NOTCH2NLC: variants seen among roughly 807,000 people sequenced by gnomAD.
The protein encoded by NOTCH2NLC is notch 2 N-terminal like C.
Under a neutral mutation model 17.7 loss-of-function variants are expected in NOTCH2NLC, and 4 were observed. The observed-to-expected ratio is 0.23, with a 90% CI of 0.11 to 0.52. NOTCH2NLC has a LOEUF of 0.52. Among genes scored for constraint, NOTCH2NLC ranks in the 20% least tolerant of loss-of-function variants. The pLI is 0.96. For missense variants in NOTCH2NLC, 57 were observed against 207.2 expected (o/e 0.28, Z 4.45); for synonymous variants, 18 against 86.0 (o/e 0.21, Z 4.38).
intron 1 of NOTCH2NLC, among the ~76,000 whole-genome samples, chr1:149,421,704 T>C (rs1258531065): frequency 1.4e-5 from 1 of 71,056 alleles, no homozygotes; most frequent in Non-Finnish European, 2.6e-5. Flanking sequence ...ATAGCACTTT[T>C]TGTAGAGAAT....
rs1285778174 is a variant in NOTCH2NLC, at chr1:149,464,182, TA to T, written c.*32del. 2 of 660,362 alleles carry T rather than the reference TA, an allele frequency of 3.0e-6. No homozygotes were observed. Among genetic ancestry groups the T allele is most frequent in the African/African-American group, 3.8e-5 (2 of 52,646 alleles). 40.9% of individuals were successfully genotyped at this position (660,362 alleles called of 1,614,324 possible). A position where few individuals can be genotyped will look rare whatever the true frequency, so the allele number is the denominator to read the frequency against. On this transcript the variant is annotated 3_prime_UTR_variant, in exon 5 of 5. Transcript: ENST00000650865. ...CTGGAAAATATGTATGTGTGGTTAA[TA>T]AAGTGCTTTAAACTGAATTGACATT...
intron 1 of NOTCH2NLC, among the ~76,000 whole-genome samples, chr1:149,426,915 A>C (rs1364768442): frequency 0.01 from 1,512 of 150,772 alleles, 57 homozygotes; most frequent in Non-Finnish European, 0.013. Flanking sequence ...GCTTCAGGTT[A>C]TCAAAGTTTT....
Position 149,390,823 on chromosome 1 carries a change from C to CGGCGGCGGCGGCGGCGGCGGCGGT in NOTCH2NLC, c.44_45insCGGCGGCGGCGGCGGTGGCGGCGG (p.Gly11_Gly18dup). The CGGCGGCGGCGGCGGCGGCGGCGGT allele has an allele frequency of 7.5e-7, 1 of 1,324,838 alleles. No individual in the cohort carries two copies. The highest frequency in any genetic ancestry group is 9.6e-7 in the Non-Finnish European group (1 of 1,039,294). The allele number at this position is 1,324,838 out of a possible 1,614,324, so 82.1% of individuals were successfully genotyped here. A position where few individuals can be genotyped will look rare whatever the true frequency, so the allele number is the denominator to read the frequency against. On this transcript the variant is annotated inframe_insertion, in exon 1 of 5. Transcript: ENST00000650865. ...GCCCAGGCGGCGGCGGCGGCGGCGG[C>CGGCGGCGGCGGCGGCGGCGGCGGT]GGCGGCGGAGGAGGCGGCGACCGAG...
In NOTCH2NLC at chr1:149,468,958, C is replaced by CTTTTTTTTT. The variant is rs1175539238; in HGVS notation, c.*4821_*4829dup. On this transcript the variant is annotated 3_prime_UTR_variant, in exon 5 of 5. Transcript: ENST00000650865. ...GGCATGTGTCATTTTCTTTTCTTTT[C>CTTTTTTTTT]TTTTTTTTTTTTTTTTTTTTTTTTG... Among the ~76,000 whole-genome samples, 40 of 53,432 alleles carry CTTTTTTTTT rather than the reference C, an allele frequency of 7.5e-4. No individual in the cohort carries two copies. The highest frequency in any genetic ancestry group is 1.4e-3 in the African/African-American group (15 of 10,726). 35.1% of individuals were successfully genotyped at this position (53,432 alleles called of 152,430 possible). A position where few individuals can be genotyped will look rare whatever the true frequency, so the allele number is the denominator to read the frequency against.
At chr1:149,426,859 G>A (rs1157058341) in intron 1 of NOTCH2NLC, among the ~76,000 whole-genome samples, 5 of 150,378 alleles carry the variant, frequency 3.3e-5, no homozygotes, top group Non-Finnish European at 5.9e-5. Flanking sequence ...TTGGAAAAAA[G>A]TAAATTGAAT....
intron 1 of NOTCH2NLC, among the ~76,000 whole-genome samples, chr1:149,402,115 T>C (rs1189613297): frequency 1.3e-5 from 2 of 150,516 alleles, no homozygotes; most frequent in African/African-American, 4.9e-5. Context: ...GTTTTGCTCT[T>C]GTTGCCCAGG....
Position 149,471,414 on chromosome 1 carries a change from C to G in NOTCH2NLC, c.*7261C>G, listed in dbSNP as rs1193017471. Reference sequence around the variant, plus strand: ...GCTTATCCCACATTACAAAGATTTACTACTTCTAAGTGATTTATAATTTTA... The same window carrying G: ...GCTTATCCCACATTACAAAGATTTAGTACTTCTAAGTGATTTATAATTTTA... On this transcript the variant is annotated 3_prime_UTR_variant, in exon 5 of 5. Coordinates refer to ENST00000650865, the MANE Select transcript of NOTCH2NLC (RefSeq NM_001364013.2). Among the ~76,000 whole-genome samples the G allele has an allele frequency of 1.3e-5, 2 of 149,364 alleles. 1 individual carries two copies. The highest frequency in any genetic ancestry group is 3.0e-5 in the Non-Finnish European group (2 of 67,232).
intron 2 of NOTCH2NLC, among the ~76,000 whole-genome samples, chr1:149,440,175 G>A (rs2084508433): frequency 6.7e-6 from 1 of 150,360 alleles, no homozygotes; most frequent in African/African-American, 2.4e-5. Context: ...TGCAGTCACT[G>A]TCTATAATCC....
At chr1:149,409,350 G>T (rs1329414134) in intron 1 of NOTCH2NLC, among the ~76,000 whole-genome samples, 4 of 148,716 alleles carry the variant, frequency 2.7e-5, no homozygotes, top group Non-Finnish European at 6.0e-5. Flanking sequence ...GTGTGTGTGT[G>T]TTGGGAGGAG....
At chr1:149,423,136 T>C (rs1354846295) in intron 1 of NOTCH2NLC, among the ~76,000 whole-genome samples, 1 of 145,174 alleles carries the variant, frequency 6.9e-6, no homozygotes, top group African/African-American at 2.5e-5. Context: ...GATACTAGCA[T>C]CTCTTAGGTA....
intron 1 of NOTCH2NLC, among the ~76,000 whole-genome samples, chr1:149,394,364 C>T (rs1226463921): frequency 2.7e-5 from 4 of 150,872 alleles, no homozygotes; most frequent in Admixed American, 2.6e-4. Context: ...CAAATGTAAC[C>T]TTAGTCATTC....
At chr1:149,434,583 G>GGGGGTGA (rs1254645724) in intron 2 of NOTCH2NLC, among the ~76,000 whole-genome samples, 31 of 71,428 alleles carry the variant, frequency 4.3e-4, no homozygotes, top group African/African-American at 1.7e-3. Flanking sequence ...GGGCCAGCGT[G>GGGGGTGA]GGGGTGAGTG....
chr1:149,402,424 A>G (rs1268777174), intron 1 of NOTCH2NLC, among the ~76,000 whole-genome samples: 1 of 137,700 alleles, frequency 7.3e-6, no homozygotes, highest in Admixed American at 7.2e-5. Context: ...TTCTTTTTTG[A>G]TTTTTATTAT....
chr1:149,432,386 G>T (rs1174850636), intron 2 of NOTCH2NLC, among the ~76,000 whole-genome samples: 4 of 150,754 alleles, frequency 2.7e-5, no homozygotes, highest in Non-Finnish European at 4.4e-5. Context: ...AGGTTGTTTG[G>T]ATTGGAATAA....
chr1:149,446,110 T>C (rs2084551449), intron 2 of NOTCH2NLC, among the ~76,000 whole-genome samples: 1 of 101,352 alleles, frequency 9.9e-6, no homozygotes, highest in African/African-American at 3.9e-5. Flanking sequence ...TAAGCTTTTC[T>C]GTAGACGAGT....
chr1:149,462,832 GA>G (rs1447364982), intron 3 of NOTCH2NLC, among the ~76,000 whole-genome samples: 3 of 79,016 alleles, frequency 3.8e-5, no homozygotes, highest in African/African-American at 1.7e-4. Context: ...ACGGGAAGTT[GA>G]TTTTTTTTTT....
At position 149,405,412 on chromosome 1, in the gene NOTCH2NLC, C is replaced by T. The variant is rs1204259091; in HGVS notation, c.135+14490C>T. On this transcript the variant is annotated intron_variant, in intron 1 of 4. Transcript: ENST00000650865. ...AGATGCTTGGGGACAAAAGACTTTA[C>T]TTGTTTCCTTTAGTCCTTAAAATAG... 2.1e-5 allele frequency among the ~76,000 whole-genome samples: 3 copies of T among 145,312 alleles called. 1 individual carries two copies. The highest frequency in any genetic ancestry group is 1.4e-4 in the Admixed American group (2 of 14,326).
intron 1 of NOTCH2NLC, among the ~76,000 whole-genome samples, chr1:149,412,884 G>T (rs1178444953): frequency 3.8e-5 from 5 of 132,592 alleles, no homozygotes; most frequent in African/African-American, 1.4e-4. Flanking sequence ...GCAGTACAAA[G>T]ACAAGATGAC....
In NOTCH2NLC at chr1:149,460,854, C is replaced by CCTTT. The variant is rs1169297627; in HGVS notation, c.470-2578_470-2575dup. ...AGGGTTGATTCTTTCTTTCTTTCTCCCTTTCTTTCTTTCTTTCTTTCTTTC... is the reference window on the plus strand; with the variant it reads ...AGGGTTGATTCTTTCTTTCTTTCTCCCTTTCTTTCTTTCTTTCTTTCTTTCTTTC... On this transcript the variant is annotated intron_variant, in intron 3 of 4. Coordinates refer to ENST00000650865, the MANE Select transcript of NOTCH2NLC (RefSeq NM_001364013.2). Among the ~76,000 whole-genome samples, 99 of 113,902 alleles carry CCTTT rather than the reference C, an allele frequency of 8.7e-4. 2 individuals carry two copies. Among genetic ancestry groups the CCTTT allele is most frequent in the Non-Finnish European group, 1.0e-3 (57 of 54,294 alleles). 74.7% of individuals were successfully genotyped at this position (113,902 alleles called of 152,430 possible).
Sources: gnomAD v4.1 joint callset for allele counts (sites outside exome capture counted in the v4.1 genomes callset) on GRCh38, gnomAD v4.1.1 for gene constraint, MANE v1.5 for transcripts, NCBI Gene and HGNC (gene_info 2026-07-23, HGNC 2026-07-21) for gene names.